Variants in ATG7 observed in about 807,000 individuals in gnomAD.
ATG7 encodes the protein autophagy related 7.
Under a neutral mutation model 82.4 loss-of-function variants are expected in ATG7, and 70 were observed. That is an observed-to-expected ratio of 0.85 (90% CI 0.70 to 1.04). The LOEUF (loss-of-function observed/expected upper bound fraction) is 1.04, where lower values mean the gene tolerates loss of function less well. Ranked by LOEUF, ATG7 falls within the 50% of genes least tolerant of loss-of-function variation. The pLI, the probability that ATG7 is intolerant of heterozygous loss-of-function variation, is 0.00. For missense variants in ATG7, 792 were observed against 864.3 expected (o/e 0.92, Z 1.05); for synonymous variants, 287 against 313.0 (o/e 0.92, Z 0.88).
chr3:11,543,462 A>G (rs535288702), intron 20 of ATG7, among the ~76,000 whole-genome samples: 5 of 152,280 alleles, frequency 3.3e-5, no homozygotes, highest in East Asian at 1.9e-4. Flanking sequence ...GTTTGGGGCA[A>G]TGGTTCCCTG....
In ATG7 at chr3:11,555,019, T is replaced by C; in HGVS notation, c.*176T>C. On this transcript the variant is annotated 3_prime_UTR_variant, in exon 21 of 21. Coordinates refer to ENST00000693202, the MANE Select transcript of ATG7 (RefSeq NM_001349232.2). Reference sequence around the variant, plus strand: ...GGCCAGTGTTCGGCGTTGCTCGGGATTCAAGATACCACCAGTTCAGAGCTA... The same window carrying C: ...GGCCAGTGTTCGGCGTTGCTCGGGACTCAAGATACCACCAGTTCAGAGCTA... 1.4e-6 allele frequency: 1 copy of C among 732,550 alleles called. No individual in the cohort carries two copies. Among genetic ancestry groups the C allele is most frequent in the Admixed American group, 3.1e-5 (1 of 31,932 alleles). The allele number at this position is 732,550 out of a possible 1,614,324, so 45.4% of individuals were successfully genotyped here. A position where few individuals can be genotyped will look rare whatever the true frequency, so the allele number is the denominator to read the frequency against.
At chr3:11,395,765 C>G (rs962118858) in intron 19 of ATG7, among the ~76,000 whole-genome samples, 6 of 151,644 alleles carry the variant, frequency 4.0e-5, no homozygotes, top group Admixed American at 1.3e-4. Context: ...ACGGTGAAAC[C>G]CCGTCTCTAC....
intron 20 of ATG7, among the ~76,000 whole-genome samples, chr3:11,458,424 C>T (rs58965915): frequency 0.01 from 1,575 of 152,120 alleles, 28 homozygotes; most frequent in African/African-American, 0.036. Flanking sequence ...CCACCACGCC[C>T]GGCTAATTTT....
intron 20 of ATG7, among the ~76,000 whole-genome samples, chr3:11,429,384 T>A (rs1437673029): frequency 6.6e-6 from 1 of 151,652 alleles, no homozygotes; most frequent in Non-Finnish European, 1.5e-5. Flanking sequence ...TAATCCCAGT[T>A]ACTCGGGAGG....
intron 20 of ATG7, among the ~76,000 whole-genome samples, chr3:11,540,900 C>CT (rs1393524922): frequency 3.3e-4 from 28 of 85,022 alleles, no homozygotes; most frequent in South Asian, 7.5e-4. Flanking sequence ...ATAGTTTTAG[C>CT]TTTTTTTGGG....
Position 11,425,545 on chromosome 3 carries a change from G to A in ATG7, c.1957-1259G>A, listed in dbSNP as rs780737632. ...AATTTCTGAGGCATTCTGGTTCAGCGTTCTACGTTTCACAGTCCCTGTGAT... is the reference window on the plus strand; with the variant it reads ...AATTTCTGAGGCATTCTGGTTCAGCATTCTACGTTTCACAGTCCCTGTGAT... On this transcript the variant is annotated intron_variant, in intron 19 of 20. Transcript: ENST00000693202. Among the ~76,000 whole-genome samples the A allele has an allele frequency of 3.9e-5, 6 of 152,242 alleles. No homozygotes were observed. The East Asian group carries it at 5.8e-4, about 15-fold the overall frequency.
intron 20 of ATG7, among the ~76,000 whole-genome samples, chr3:11,461,937 G>A (rs946053463): frequency 2.0e-5 from 3 of 152,052 alleles, no homozygotes; most frequent in Admixed American, 6.5e-5. Context: ...GGCTGAGGCA[G>A]GAGAATGGTT....
At chr3:11,489,848 G>C (rs953477805) in intron 20 of ATG7, among the ~76,000 whole-genome samples, 1 of 152,088 alleles carries the variant, frequency 6.6e-6, no homozygotes. Flanking sequence ...GAGACAGTTT[G>C]TTATAATTTC....
At chr3:11,542,521 G>T (rs541691477) in intron 20 of ATG7, among the ~76,000 whole-genome samples, 1 of 152,210 alleles carries the variant, frequency 6.6e-6, no homozygotes, top group East Asian at 2.0e-4. Context: ...ACCGGCAGAT[G>T]TACCTTGCCA....
chr3:11,520,610 A>G (rs1415256195), intron 20 of ATG7, among the ~76,000 whole-genome samples: 1 of 152,134 alleles, frequency 6.6e-6, no homozygotes, highest in Non-Finnish European at 1.5e-5. Flanking sequence ...ACAGCAAACA[A>G]CAAGTGTGGG....
At chr3:11,568,521 T>A in the ATG7 span, 1 of 1,528,504 alleles carries the variant, frequency 6.5e-7, no homozygotes, top group Non-Finnish European at 8.9e-7. The surrounding 1 kb of genome is among the most constrained non-coding windows in gnomAD (Gnocchi z 5.9). Flanking sequence ...GTGGGCACTA[T>A]GGGTCAGACA....
intron 14 of ATG7, chr3:11,348,246 G>A: frequency 3.3e-6 from 2 of 604,936 alleles, no homozygotes; most frequent in East Asian, 3.2e-5. Context: ...TGCAATCCCA[G>A]TGTGTCTGGA....
chr3:11,550,298 CT>C (rs367635177), intron 20 of ATG7, among the ~76,000 whole-genome samples: 9 of 150,690 alleles, frequency 6.0e-5, no homozygotes, highest in East Asian at 5.8e-4. Context: ...GGCTGTGCAT[CT>C]TTTTTTTTCT....
At chr3:11,328,256 A>T (rs562216230) in intron 9 of ATG7, among the ~76,000 whole-genome samples, 89 of 152,302 alleles carry the variant, frequency 5.8e-4, no homozygotes, top group Non-Finnish European at 1.0e-3. Context: ...AATAAGTAAT[A>T]TATTATTTCC....
Position 11,360,715 on chromosome 3 carries a change from G to T in ATG7, c.1614G>T (p.Ser538=). ...CATCTGCTGACCTCCTGGGCTCATC[G>T]CTTTTTGCCAACATCCCTGGTTACA... The part of the protein sequence containing the change: ...PVASADLLGS[S]LFANIPGYKL... Residue 538 remains serine (S), a synonymous_variant, in exon 16 of 21, where the codon TCG becomes TCT. Transcript: ENST00000693202. 6.2e-7 allele frequency: 1 copy of T among 1,614,116 alleles called. No individual in the cohort carries two copies. Among genetic ancestry groups the T allele is most frequent in the Non-Finnish European group, 8.5e-7 (1 of 1,180,020 alleles).
At chr3:11,533,391 A>G (rs1304114594) in intron 20 of ATG7, among the ~76,000 whole-genome samples, 1 of 152,188 alleles carries the variant, frequency 6.6e-6, no homozygotes, top group Non-Finnish European at 1.5e-5. Flanking sequence ...CTTAAGAAAG[A>G]TAAAGTGATT....
chr3:11,526,831 AG>A (rs1208985298), intron 20 of ATG7, among the ~76,000 whole-genome samples: 1 of 152,144 alleles, frequency 6.6e-6, no homozygotes, highest in Non-Finnish European at 1.5e-5. Flanking sequence ...ATGAATCTAA[AG>A]TTTTACCATT....
intron 20 of ATG7, among the ~76,000 whole-genome samples, chr3:11,500,717 A>G (rs1553699450): frequency 6.6e-6 from 1 of 151,854 alleles, no homozygotes; most frequent in Non-Finnish European, 1.5e-5. Context: ...TGCAACCTCC[A>G]CCTCCCAGGT....
At chr3:11,427,111 G>A (rs2082424546) in intron 20 of ATG7, among the ~76,000 whole-genome samples, 185 bp downstream of exon 20, 1 of 152,216 alleles carries the variant, frequency 6.6e-6, no homozygotes, top group Non-Finnish European at 1.5e-5. Flanking sequence ...ACTGATGTGT[G>A]TAGGTTGCTG....
Sources: allele counts gnomAD v4.1 joint callset (sites outside exome capture counted in the v4.1 genomes callset), GRCh38; gene constraint gnomAD v4.1.1; non-coding constraint Gnocchi (gnomAD v3.1); transcripts MANE v1.5; gene names NCBI Gene and HGNC (gene_info 2026-07-23, HGNC 2026-07-21).